The following CRACD variants were observed in gnomAD, a reference collection of about 807,000 sequenced individuals.
CRACD encodes capping protein inhibiting regulator of actin dynamics, also known as capping protein-inhibiting regulator of actin dynamics.
CRACD carries 56 observed loss-of-function variants against 106.8 expected under a neutral mutation model. The ratio of observed to expected loss-of-function variants is 0.52; its 90% CI spans 0.42 to 0.66. CRACD has a LOEUF of 0.66. CRACD is among the 30% of genes least tolerant of loss of function. The pLI, the probability that CRACD is intolerant of heterozygous loss-of-function variation, is 0.00. For missense variants in CRACD, 1,730 were observed against 1,623.2 expected (o/e 1.07, Z -1.13); for synonymous variants, 754 against 670.8 (o/e 1.12, Z -1.92).
At chr4:56,207,676 A>T (rs1738192136) in intron 2 of CRACD, among the ~76,000 whole-genome samples, 1 of 150,682 alleles carries the variant, frequency 6.6e-6, no homozygotes. Flanking sequence ...CAAGGAAAAA[A>T]TTGAGAGATA....
At chr4:56,086,312 G>A (rs2109814154) in intron 1 of CRACD, among the ~76,000 whole-genome samples, 1 of 152,202 alleles carries the variant, frequency 6.6e-6, no homozygotes, top group Non-Finnish European at 1.5e-5. Flanking sequence ...GGGTCTCACT[G>A]TGTCACCCAG....
intron 2 of CRACD, among the ~76,000 whole-genome samples, chr4:56,201,978 G>C (rs1264329094): frequency 6.6e-6 from 1 of 152,160 alleles, no homozygotes; most frequent in African/African-American, 2.4e-5. Flanking sequence ...TTCAGCATTA[G>C]GAAAACTCGC....
chr4:56,112,027 G>A lies in CRACD; in HGVS notation c.-336+62728G>A, dbSNP rs552013302. Among the ~76,000 whole-genome samples, 3 of 152,296 alleles carry A rather than the reference G, an allele frequency of 2.0e-5. No homozygotes were observed. The East Asian group carries it at 5.8e-4, about 29-fold the overall frequency. ...TTTCTTTGAGATAAAAGACACTTAT[G>A]AGCTGAAGTAGAAATTGCACCTAAA... On this transcript the variant is annotated intron_variant, in intron 1 of 10. Coordinates refer to ENST00000682029, the MANE Select transcript of CRACD (RefSeq NM_001393381.1).
At chr4:56,227,609 C>T (rs1055711669) in intron 2 of CRACD, among the ~76,000 whole-genome samples, 4 of 152,128 alleles carry the variant, frequency 2.6e-5, no homozygotes, top group East Asian at 1.9e-4. Context: ...TTAGGCTTTA[C>T]GGGCCACATA....
chr4:56,223,431 A>G (rs976536602), intron 2 of CRACD, among the ~76,000 whole-genome samples: 6 of 152,146 alleles, frequency 3.9e-5, no homozygotes, highest in African/African-American at 1.4e-4. Flanking sequence ...TTCTTCCATC[A>G]GGGACAGATC....
intron 1 of CRACD, among the ~76,000 whole-genome samples, chr4:56,076,163 G>T (rs1352352705): frequency 6.6e-6 from 1 of 152,080 alleles, no homozygotes. Flanking sequence ...CCTTATAAGA[G>T]GAAATTTGGA....
At chr4:56,326,023 T>A (rs1746421753) in intron 10 of CRACD, among the ~76,000 whole-genome samples, 2 of 152,196 alleles carry the variant, frequency 1.3e-5, no homozygotes, top group Non-Finnish European at 2.9e-5. Flanking sequence ...GCAATTCTTC[T>A]GCCTCAGTCT....
At chr4:56,112,533 G>C (rs565568397) in intron 1 of CRACD, among the ~76,000 whole-genome samples, 178 of 152,162 alleles carry the variant, frequency 1.2e-3, no homozygotes, top group African/African-American at 4.1e-3. Context: ...CTAGTTGGGG[G>C]GACCTCTTCC....
chr4:56,282,842 G>A (rs1743107275), intron 3 of CRACD, among the ~76,000 whole-genome samples: 1 of 152,202 alleles, frequency 6.6e-6, no homozygotes, highest in African/African-American at 2.4e-5. Flanking sequence ...ACTGCCTCTT[G>A]CTTTTCATTG....
chr4:56,240,913 A>G (rs1740330477), intron 2 of CRACD, among the ~76,000 whole-genome samples: 2 of 152,178 alleles, frequency 1.3e-5, no homozygotes, highest in African/African-American at 4.8e-5. Flanking sequence ...CTGTGCAGCT[A>G]TGATTAAGTC....
At chr4:56,099,394 C>A (rs924891367) in intron 1 of CRACD, among the ~76,000 whole-genome samples, 1 of 152,110 alleles carries the variant, frequency 6.6e-6, no homozygotes, top group Non-Finnish European at 1.5e-5. Context: ...TACTCACTTG[C>A]CTTTGTTGTA....
intron 1 of CRACD, among the ~76,000 whole-genome samples, chr4:56,176,588 C>T (rs908553201): frequency 3.9e-5 from 6 of 152,064 alleles, no homozygotes; most frequent in Admixed American, 2.0e-4. Context: ...ACTACCACGC[C>T]CGGCTAATTT....
intron 1 of CRACD, among the ~76,000 whole-genome samples, chr4:56,069,842 A>G (rs1732577793): frequency 6.6e-6 from 1 of 152,232 alleles, no homozygotes; most frequent in African/African-American, 2.4e-5. Context: ...AGAATCAATT[A>G]GAGAGATGGA....
At chr4:56,306,084 G>A (rs932566875) in intron 4 of CRACD, among the ~76,000 whole-genome samples, 1 of 152,144 alleles carries the variant, frequency 6.6e-6, no homozygotes, top group Non-Finnish European at 1.5e-5. Flanking sequence ...CCGTAAGCTT[G>A]GGCCAGTCAC....
chr4:56,222,631 G>T (rs146426312), intron 2 of CRACD, among the ~76,000 whole-genome samples: 1 of 151,840 alleles, frequency 6.6e-6, no homozygotes, highest in African/African-American at 2.4e-5. Context: ...TCACCTCTGG[G>T]AATATCTTAC....
At chr4:56,222,158 G>A (rs2109515160) in intron 2 of CRACD, among the ~76,000 whole-genome samples, 1 of 152,280 alleles carries the variant, frequency 6.6e-6, no homozygotes, top group Admixed American at 6.5e-5. Flanking sequence ...ATCAACCAAT[G>A]AATGGATAAA....
At chr4:56,118,216 G>C (rs898110438) in intron 1 of CRACD, among the ~76,000 whole-genome samples, 1 of 151,454 alleles carries the variant, frequency 6.6e-6, no homozygotes, top group Non-Finnish European at 1.5e-5. Context: ...GAACCAGAAG[G>C]GACCTCAGAG....
chr4:56,291,840 G>T (rs779972615), intron 3 of CRACD, among the ~76,000 whole-genome samples: 13 of 152,092 alleles, frequency 8.5e-5, no homozygotes, highest in Non-Finnish European at 1.9e-4. Flanking sequence ...ATATTTCTAT[G>T]CAGTAACACA....
chr4:56,203,975 C>CAG, intron 2 of CRACD, among the ~76,000 whole-genome samples: 1 of 152,344 alleles, frequency 6.6e-6, no homozygotes, highest in Middle Eastern at 3.4e-3. Flanking sequence ...TAGACAGATG[C>CAG]AGCCCCCTGG....
Sources: allele counts gnomAD v4.1 joint callset (sites outside exome capture counted in the v4.1 genomes callset), GRCh38; gene constraint gnomAD v4.1.1; transcripts MANE v1.5; gene names NCBI Gene and HGNC (gene_info 2026-07-23, HGNC 2026-07-21).